DLG2: variants seen among roughly 807,000 people sequenced by gnomAD.
The protein encoded by DLG2 is disks large homolog 2.
DLG2 carries 45 observed loss-of-function variants against 132.5 expected under a neutral mutation model. That is an observed-to-expected ratio of 0.34 (90% CI 0.27 to 0.44). The LOEUF (loss-of-function observed/expected upper bound fraction) is 0.44, where lower values mean the gene tolerates loss of function less well. Ranked by LOEUF, DLG2 falls within the 20% of genes least tolerant of loss-of-function variation. The probability of loss-of-function intolerance (pLI) is 1.00; values close to 1 mark genes in which losing one functional copy is unlikely to be tolerated. For synonymous variants in DLG2, 424 were observed against 419.6 expected (o/e 1.01, Z -0.13); for missense variants, 1,045 against 1,196.9 (o/e 0.87, Z 1.87).
chr11:84,173,114 T>C (rs1338597144), intron 8 of DLG2, among the ~76,000 whole-genome samples: 2 of 152,212 alleles, frequency 1.3e-5, no homozygotes, highest in Admixed American at 6.5e-5. Context: ...AAAATTGTCT[T>C]GATTAAAGGC....
intron 18 of DLG2, among the ~76,000 whole-genome samples, chr11:83,763,687 G>C (rs182571764): frequency 1.7e-3 from 265 of 152,204 alleles, no homozygotes; most frequent in Admixed American, 4.1e-3. Flanking sequence ...ATACCTTATA[G>C]TTAAAATAGG....
intron 11 of DLG2, among the ~76,000 whole-genome samples, chr11:84,053,630 ACT>A (rs753690123): frequency 5.9e-5 from 9 of 152,090 alleles, no homozygotes; most frequent in Admixed American, 2.6e-4. Flanking sequence ...CCTGAAAATA[ACT>A]CTATGAATTA....
intron 6 of DLG2, among the ~76,000 whole-genome samples, chr11:84,691,691 A>T (rs548011101): frequency 2.0e-4 from 31 of 151,624 alleles, no homozygotes; most frequent in African/African-American, 7.0e-4. Flanking sequence ...ATGGCAACCC[A>T]CACCATTAGA....
chr11:84,052,106 A>C (rs1363818336), intron 11 of DLG2, among the ~76,000 whole-genome samples: 1 of 151,894 alleles, frequency 6.6e-6, no homozygotes, highest in Admixed American at 6.6e-5. Context: ...ACCCTGACAC[A>C]GATGCCCAAA....
In DLG2 at chr11:85,267,769, C is replaced by T. The variant is rs192509515; in HGVS notation, c.186+17451G>A. Among the ~76,000 whole-genome samples, 432 of 152,186 alleles carry T rather than the reference C, an allele frequency of 2.8e-3. 1 individual carries two copies. Among genetic ancestry groups the T allele is most frequent in the Admixed American group, 4.7e-3 (72 of 15,282 alleles). On this transcript the variant is annotated intron_variant, in intron 4 of 27. Transcript: ENST00000376104. Reference sequence around the variant, plus strand: ...CATAATTCTTTTTTCTTAAGGAAATCATATTTAAAATAATTTAAGCTACTT... The same window carrying T: ...CATAATTCTTTTTTCTTAAGGAAATTATATTTAAAATAATTTAAGCTACTT...
chr11:83,980,480 C>CA, intron 12 of DLG2, 26 bp downstream of exon 12: 1 of 1,600,252 alleles, frequency 6.2e-7, no homozygotes, highest in Non-Finnish European at 8.5e-7. Context: ...TAAATATACA[C>CA]ACAGTTTTGC....
In DLG2 at chr11:83,994,446, C is replaced by T. The variant is rs866588983; in HGVS notation, c.920-13804G>A. ...AGGGGTCTATGCTATGTTGTCCAGG[C>T]TGGACTTAAACTTCTGAGGTGAAGG... On this transcript the variant is annotated intron_variant, in intron 11 of 27. Coordinates refer to ENST00000376104, the MANE Select transcript of DLG2 (RefSeq NM_001142699.3). Among the ~76,000 whole-genome samples, 11 of 152,186 alleles carry T rather than the reference C, an allele frequency of 7.2e-5. 1 individual carries two copies. In the Middle Eastern group the frequency reaches 0.014, roughly 188 times the overall value.
intron 8 of DLG2, among the ~76,000 whole-genome samples, chr11:84,165,470 A>G (rs2095640385): frequency 6.6e-6 from 1 of 152,200 alleles, no homozygotes; most frequent in Admixed American, 6.5e-5. Context: ...TACATAAACT[A>G]TTGCAGGCTT....
chr11:84,582,358 A>G (rs2154529299), intron 6 of DLG2, among the ~76,000 whole-genome samples: 1 of 149,990 alleles, frequency 6.7e-6, no homozygotes, highest in African/African-American at 2.4e-5. Context: ...AAAAGTCCTA[A>G]CTACTACAGC....
chr11:85,495,112 C>T (rs2512800), intron 3 of DLG2, among the ~76,000 whole-genome samples: 127,818 of 152,104 alleles, frequency 0.84, 54,195 homozygotes, highest in Non-Finnish European at 0.91. Context: ...TCACTAATAA[C>T]TAAAATAATA....
chr11:83,885,812 G>T (rs1350653298), intron 15 of DLG2, among the ~76,000 whole-genome samples: 3 of 152,164 alleles, frequency 2.0e-5, no homozygotes, highest in African/African-American at 7.2e-5. Flanking sequence ...TTAAAGAAAA[G>T]AATTTTCAAC....
chr11:83,987,005 T>G (rs1323167821), intron 11 of DLG2, among the ~76,000 whole-genome samples: 5 of 152,158 alleles, frequency 3.3e-5, no homozygotes, highest in Non-Finnish European at 7.4e-5. Context: ...TCCCATTTTG[T>G]AGGTTGCCTG....
chr11:84,565,392 C>T (rs531301121), intron 6 of DLG2, among the ~76,000 whole-genome samples: 6 of 152,172 alleles, frequency 3.9e-5, no homozygotes, highest in Admixed American at 1.3e-4. Context: ...AGTCAGTTTC[C>T]ATTTGCACAT....
At chr11:85,013,096 G>A (rs554984194) in intron 6 of DLG2, among the ~76,000 whole-genome samples, 4 of 152,116 alleles carry the variant, frequency 2.6e-5, no homozygotes, top group Non-Finnish European at 5.9e-5. Flanking sequence ...TTCCAGAAAT[G>A]GTTGCAATAC....
At chr11:83,511,726 CTTTT>C (rs5793066) in intron 21 of DLG2, among the ~76,000 whole-genome samples, 2 of 139,242 alleles carry the variant, frequency 1.4e-5, no homozygotes, top group Non-Finnish European at 1.6e-5. Context: ...AAGAAGCAAA[CTTTT>C]TTTTTTTTTT....
chr11:83,674,545 C>T (rs1296835158), intron 18 of DLG2, among the ~76,000 whole-genome samples: 3 of 152,174 alleles, frequency 2.0e-5, no homozygotes, highest in African/African-American at 7.2e-5. Context: ...GACATATGTG[C>T]TTTTAAATAA....
chr11:83,699,184 CAT>C (rs148595465), intron 18 of DLG2, among the ~76,000 whole-genome samples: 2,641 of 152,184 alleles, frequency 0.017, 75 homozygotes, highest in African/African-American at 0.02. Context: ...CAATATATCA[CAT>C]GAGTTAAAAA....
At chr11:85,020,876 C>G in intron 6 of DLG2, 1 of 764,850 alleles carries the variant, frequency 1.3e-6, no homozygotes, top group South Asian at 1.3e-5. Flanking sequence ...GTAGGTCCCC[C>G]TCCTCAGCAG....
intron 19 of DLG2, among the ~76,000 whole-genome samples, chr11:83,567,232 G>C (rs1163201258): frequency 6.6e-6 from 1 of 152,116 alleles, no homozygotes. Flanking sequence ...CAGATCCCAA[G>C]CTATAATATT....
Sources: allele counts gnomAD v4.1 joint callset (sites outside exome capture counted in the v4.1 genomes callset), GRCh38; gene constraint gnomAD v4.1.1; transcripts MANE v1.5; gene names NCBI Gene and HGNC (gene_info 2026-07-23, HGNC 2026-07-21).